The following ACAP2 variants were observed in gnomAD, a reference collection of about 807,000 sequenced individuals.
ACAP2 encodes the protein arf-GAP with coiled-coil, ANK repeat and PH domain-containing protein 2.
In ACAP2, 39 loss-of-function variants were observed where a neutral mutation model predicts 115.8. The ratio of observed to expected loss-of-function variants is 0.34; its 90% CI spans 0.26 to 0.44. The LOEUF (loss-of-function observed/expected upper bound fraction) is 0.44. Ranked by LOEUF, ACAP2 falls within the 20% of genes least tolerant of loss-of-function variation. ACAP2 has a pLI of 1.00. For missense variants in ACAP2, 662 were observed against 927.6 expected (o/e 0.71, Z 3.72); for synonymous variants, 289 against 315.8 (o/e 0.92, Z 0.90).
chr3:195,302,280 C>G, intron 13 of ACAP2, 106 bp from the exon 14 acceptor site: 1 of 998,014 alleles, frequency 1.0e-6, no homozygotes, highest in Non-Finnish European at 1.5e-6. Flanking sequence ...AATTAAAGGC[C>G]TGTTACAGGC....
At chr3:195,288,734 T>C (rs890125629) in intron 21 of ACAP2, among the ~76,000 whole-genome samples, 1 of 152,090 alleles carries the variant, frequency 6.6e-6, no homozygotes, top group Non-Finnish European at 1.5e-5. Context: ...GGATCACGCC[T>C]GTAATCCCAG....
intron 2 of ACAP2, among the ~76,000 whole-genome samples, 192 bp downstream of exon 2, chr3:195,391,898 G>C (rs1734703259): frequency 6.6e-6 from 1 of 152,060 alleles, no homozygotes; most frequent in Non-Finnish European, 1.5e-5. Context: ...GGGAGGCTGA[G>C]GCAGGAGGAT....
At chr3:195,315,583 T>C (rs1038947291) in intron 10 of ACAP2, among the ~76,000 whole-genome samples, 1 of 152,214 alleles carries the variant, frequency 6.6e-6, no homozygotes, top group Non-Finnish European at 1.5e-5. Context: ...AGTTCCAGGT[T>C]TTGCCCCTCA....
chr3:195,351,610 C>T (rs1177302041), intron 4 of ACAP2, among the ~76,000 whole-genome samples: 2 of 151,734 alleles, frequency 1.3e-5, no homozygotes, highest in African/African-American at 2.4e-5. Flanking sequence ...CACAGGCGCC[C>T]CCCACCACCA....
intron 1 of ACAP2, among the ~76,000 whole-genome samples, chr3:195,413,160 A>C (rs1298970695): frequency 1.3e-5 from 2 of 152,172 alleles, no homozygotes; most frequent in Non-Finnish European, 2.9e-5. Context: ...TTTTGGTTGA[A>C]AGTCTTTGCT....
chr3:195,379,954 G>C (rs933766893), intron 4 of ACAP2, among the ~76,000 whole-genome samples: 1 of 152,124 alleles, frequency 6.6e-6, no homozygotes, highest in Non-Finnish European at 1.5e-5. Flanking sequence ...ACACCTACTA[G>C]GATGGTTATA....
intron 22 of ACAP2, among the ~76,000 whole-genome samples, chr3:195,284,973 A>G (rs1477539297): frequency 1.3e-5 from 2 of 152,218 alleles, no homozygotes; most frequent in Non-Finnish European, 1.5e-5. Flanking sequence ...CTTCCTTGAC[A>G]TCTTGATTCA....
intron 4 of ACAP2, among the ~76,000 whole-genome samples, chr3:195,347,810 T>A (rs1294813505): frequency 6.6e-6 from 1 of 152,074 alleles, no homozygotes; most frequent in African/African-American, 2.4e-5. Flanking sequence ...GAGTTCAAGA[T>A]TAGCCTGGGC....
At chr3:195,349,624 A>T (rs1731412153) in intron 4 of ACAP2, 1 of 158,582 alleles carries the variant, frequency 6.3e-6, no homozygotes, top group Non-Finnish European at 1.4e-5. Flanking sequence ...AAATGGAGAC[A>T]ATCTTTCATG....
At chr3:195,390,618 G>A (rs191131618) in intron 2 of ACAP2, among the ~76,000 whole-genome samples, 4 of 152,142 alleles carry the variant, frequency 2.6e-5, no homozygotes, top group African/African-American at 4.8e-5. Flanking sequence ...CCTGGAATCC[G>A]GTTACAAACA....
intron 1 of ACAP2, among the ~76,000 whole-genome samples, chr3:195,401,528 G>T (rs182005462): frequency 2.0e-5 from 3 of 152,136 alleles, no homozygotes. Flanking sequence ...TTAGCCAGGC[G>T]TGGTGGTGCA....
At chr3:195,412,836 G>T in intron 1 of ACAP2, 2 of 445,184 alleles carry the variant, frequency 4.5e-6, no homozygotes, top group South Asian at 1.6e-5. Context: ...AAAATTCCTT[G>T]AGCACTTACT....
chr3:195,360,522 G>A (rs961417441), intron 4 of ACAP2, among the ~76,000 whole-genome samples: 7 of 152,230 alleles, frequency 4.6e-5, no homozygotes, highest in African/African-American at 1.4e-4. Flanking sequence ...CAGGCCAGGT[G>A]CAGTGGCTCA....
intron 1 of ACAP2, among the ~76,000 whole-genome samples, chr3:195,405,622 G>C (rs1398818973): frequency 1.3e-5 from 2 of 151,720 alleles, no homozygotes; most frequent in African/African-American, 4.8e-5. Flanking sequence ...GGAGGCGGAG[G>C]TTGCAGTGAG....
chr3:195,427,684 TG>T (rs1256118712), intron 1 of ACAP2, among the ~76,000 whole-genome samples: 1 of 151,992 alleles, frequency 6.6e-6, no homozygotes, highest in Non-Finnish European at 1.5e-5. Context: ...CTGAGGCAGG[TG>T]GACAGCCTGA....
chr3:195,341,243 G>A (rs1730844611), intron 6 of ACAP2, among the ~76,000 whole-genome samples: 1 of 151,090 alleles, frequency 6.6e-6, no homozygotes, highest in Admixed American at 6.6e-5. Context: ...TAGACTGGAA[G>A]ATCACCAACA....
At chr3:195,321,199 C>A (rs1577296162) in intron 9 of ACAP2, among the ~76,000 whole-genome samples, 2 of 133,320 alleles carry the variant, frequency 1.5e-5, no homozygotes, top group African/African-American at 5.5e-5. Context: ...GTTTAAAATT[C>A]TTTTGTTTTA....
intron 4 of ACAP2, among the ~76,000 whole-genome samples, chr3:195,360,296 T>C (rs1255661866): frequency 6.6e-6 from 1 of 152,084 alleles, no homozygotes; most frequent in Non-Finnish European, 1.5e-5. Context: ...ATTATAATGA[T>C]AAAGGGTTCA....
At chr3:195,425,501 A>G (rs1481500739) in intron 1 of ACAP2, among the ~76,000 whole-genome samples, 1 of 152,208 alleles carries the variant, frequency 6.6e-6, no homozygotes, top group Non-Finnish European at 1.5e-5. Flanking sequence ...GAACAAAGGA[A>G]TAAAAAGACA....
Sources: gnomAD v4.1 joint callset for allele counts (sites outside exome capture counted in the v4.1 genomes callset) on GRCh38, gnomAD v4.1.1 for gene constraint, MANE v1.5 for transcripts, NCBI Gene and HGNC (gene_info 2026-07-23, HGNC 2026-07-21) for gene names.